RPGRIP1L: variants seen among roughly 807,000 people sequenced by gnomAD.
The protein encoded by RPGRIP1L is protein fantom.
RPGRIP1L carries 131 observed loss-of-function variants against 160.4 expected under a neutral mutation model. The ratio of observed to expected loss-of-function variants is 0.82; its 90% confidence interval spans 0.71 to 0.94. The LOEUF is 0.94. Ranked by LOEUF, RPGRIP1L falls within the 40% of genes least tolerant of loss-of-function variation. The pLI is 0.00. For missense variants in RPGRIP1L, 1,522 were observed against 1,535.8 expected, an observed-to-expected ratio of 0.99 and a Z score of 0.15; for synonymous variants, 510 against 515.8, an observed-to-expected ratio of 0.99 and a Z score of 0.15.
Position 53,638,345 on chromosome 16 carries a change from C to T in RPGRIP1L, c.3025G>A (p.Glu1009Lys). Residue 1009 changes from glutamate to lysine, a missense_variant, in exon 20 of 27, where the codon GAA becomes AAA. Coordinates refer to ENST00000647211, the MANE Select transcript of RPGRIP1L (RefSeq NM_015272.5). The part of the protein sequence containing the change: ...SPEVEHIPEI[E>K]INMLTVPHVP... ...TGTGGAACAGTCAGCATATTAATTT[C>T]TATTTCTGGTATATGCTCTACCTCT... 1.3e-6 allele frequency: 2 copies of T among 1,596,754 alleles called. No homozygotes were observed. The highest frequency in any genetic ancestry group is 1.7e-6 in the Non-Finnish European group (2 of 1,164,760).
Position 53,611,023 on chromosome 16 carries a change from TTTG to T in RPGRIP1L, c.3642_3644del (p.Asn1214del), listed in dbSNP as rs1964002479. ...TAGCTTTTAAGATGTCTCTCTTTGC[TTTG>T]TTGTTTTCTTTATCCACGTAGATCA... On this transcript the variant is annotated inframe_deletion, in exon 25 of 27. Transcript: ENST00000647211. The T allele has an allele frequency of 2.5e-6, 4 of 1,613,422 alleles. No homozygotes were observed. Among genetic ancestry groups the T allele is most frequent in the Middle Eastern group, 1.6e-4 (1 of 6,062 alleles).
intron 9 of RPGRIP1L, among the ~76,000 whole-genome samples, chr16:53,671,114 C>T (rs910079033): frequency 5.3e-5 from 8 of 151,894 alleles, no homozygotes. Context: ...GTGGGAAGTG[C>T]CTCTTAATGT....
intron 25 of RPGRIP1L, among the ~76,000 whole-genome samples, 157 bp downstream of exon 25, chr16:53,610,810 C>T (rs1395599489): frequency 1.3e-5 from 2 of 152,078 alleles, no homozygotes; most frequent in Admixed American, 1.3e-4. Flanking sequence ...AGGAGGAAGG[C>T]GATCTACAGA....
chr16:53,638,027 T>C (rs1965950493), intron 20 of RPGRIP1L, among the ~76,000 whole-genome samples, 173 bp from the exon 21 acceptor site: 1 of 152,140 alleles, frequency 6.6e-6, no homozygotes, highest in African/African-American at 2.4e-5. Flanking sequence ...AATGATAATA[T>C]ATAGATAAAT....
intron 4 of RPGRIP1L, among the ~76,000 whole-genome samples, chr16:53,690,913 T>C (rs1357396300): frequency 6.6e-6 from 1 of 152,190 alleles, no homozygotes; most frequent in African/African-American, 2.4e-5. Flanking sequence ...CTTACTTTAG[T>C]TGTATTCAGA....
intron 2 of RPGRIP1L, among the ~76,000 whole-genome samples, chr16:53,700,309 C>T (rs1421092): frequency 0.22 from 33,415 of 152,094 alleles, 5,175 homozygotes; most frequent in East Asian, 0.44. Context: ...AATGTTTTAA[C>T]ACTGAATGTA....
rs1309372176 is a variant in RPGRIP1L, at chr16:53,637,816, A to G, written c.3099T>C (p.Asn1033=). ...CTTTTCCTTGCTGCATTTTCTCAGT[A>G]TTCTCTTTTACCTCATCTACACTGC... The part of the protein sequence containing the change: ...QEGSVDEVKE[N]TEKMQQGKDD... Residue 1033 remains asparagine, a synonymous_variant, in exon 21 of 27, where the codon AAT becomes AAC. Transcript: ENST00000647211. The G allele has an allele frequency of 1.2e-6, 2 of 1,612,860 alleles. No homozygotes were observed. Among genetic ancestry groups the G allele is most frequent in the Non-Finnish European group, 1.7e-6 (2 of 1,179,620 alleles).
Position 53,692,362 on chromosome 16 carries a change from A to G in RPGRIP1L, c.233T>C (p.Met78Thr), listed in dbSNP as rs1465431958. 1.7e-5 allele frequency: 27 copies of G among 1,613,576 alleles called. No homozygotes were observed. The highest frequency in any genetic ancestry group is 1.6e-5 in the Non-Finnish European group (19 of 1,179,618). ...AACTAGCCGTATTAACTTGGTGGCC[A>G]TTCTGGGGAAATAATAAAAAGATGA... is the stretch of plus-strand genomic sequence containing the variant. ...ARKQEDKIKR[M>T]ATKLIRLVND... Residue 78 changes from methionine to threonine, a missense_variant and splice_region_variant, in exon 4 of 27, where the codon ATG becomes ACG. Met to Thr is a moderately conservative substitution (Grantham distance 81). Transcript: ENST00000647211.
At chr16:53,692,023 C>T in intron 4 of RPGRIP1L, 43 bp downstream of exon 4, 1 of 1,581,816 alleles carries the variant, frequency 6.3e-7, no homozygotes, top group Non-Finnish European at 8.7e-7. Context: ...GTTAAACAAT[C>T]TAATAAGACT....
In RPGRIP1L at chr16:53,637,570, G is replaced by A. The variant is rs186300697; in HGVS notation, c.3220+125C>T. 3.5e-5 allele frequency: 29 copies of A among 833,224 alleles called. 1 individual carries two copies. The highest frequency in any genetic ancestry group is 2.0e-6 in the Non-Finnish European group (1 of 507,326). 51.6% of individuals were successfully genotyped at this position (833,224 alleles called of 1,614,324 possible). ...GATGGAACTATATTCTATCATTTCT[G>A]TCAAGAAACAGGTATCGTGAAGTAG... is the stretch of plus-strand genomic sequence containing the variant. On this transcript the variant is annotated intron_variant, in intron 21 of 26. Transcript: ENST00000647211.
At chr16:53,702,511 T>TA (rs1299021646) in intron 1 of RPGRIP1L, among the ~76,000 whole-genome samples, 3 of 152,176 alleles carry the variant, frequency 2.0e-5, no homozygotes, top group Non-Finnish European at 4.4e-5. Context: ...ATGCTTCACT[T>TA]ACATTATTCT....
In RPGRIP1L at chr16:53,695,900, T is replaced by C. The variant is rs117076951; in HGVS notation, c.230+251A>G. ...TATTAAACCAAAAGTTATTTATAGGTATGATATACTAACGGCACTCTATTA... is the reference window on the plus strand; with the variant it reads ...TATTAAACCAAAAGTTATTTATAGGCATGATATACTAACGGCACTCTATTA... On this transcript the variant is annotated intron_variant, in intron 3 of 26. Coordinates refer to ENST00000647211, the MANE Select transcript of RPGRIP1L (RefSeq NM_015272.5). 2.9e-3 allele frequency: 1,230 copies of C among 417,904 alleles called. 7 individuals are homozygous for C. The highest frequency in any genetic ancestry group is 4.9e-3 in the Middle Eastern group (7 of 1,420). The allele number at this position is 417,904 out of a possible 1,614,324, so 25.9% of individuals were successfully genotyped here.
rs184218372 is a variant in RPGRIP1L, at chr16:53,691,267, C to T, written c.529+799G>A. Among the ~76,000 whole-genome samples the T allele has an allele frequency of 3.9e-5, 6 of 152,036 alleles. No homozygotes were observed. In the East Asian group the frequency reaches 7.7e-4, roughly 20 times the overall value. On this transcript the variant is annotated intron_variant, in intron 4 of 26. Transcript: ENST00000647211. ...TTCCTACTAGTTGAAATTTTAAAAA[C>T]GTTACTTAAGATATTTATTGAATTG...
chr16:53,641,525 T>A (rs1375317907), intron 17 of RPGRIP1L, 50 bp from the exon 18 acceptor site: 19 of 1,503,036 alleles, frequency 1.3e-5, no homozygotes, highest in Non-Finnish European at 1.8e-5. Context: ...GTTTTATTAC[T>A]GTAAGAATTA....
At chr16:53,638,737 C>T (rs1321075886) in intron 19 of RPGRIP1L, among the ~76,000 whole-genome samples, 1 of 151,064 alleles carries the variant, frequency 6.6e-6, no homozygotes, top group Non-Finnish European at 1.5e-5. Flanking sequence ...TTCTGTGTAA[C>T]TGTGAAAAAA....
chr16:53,652,732 T>C lies in RPGRIP1L; in HGVS notation c.1955A>G (p.His652Arg), dbSNP rs1404075819. Residue 652 changes from histidine to arginine, a missense_variant, in exon 15 of 27, where the codon CAT becomes CGT. By Grantham distance (29) the His-to-Arg change is conservative (BLOSUM62 0). Transcript: ENST00000647211. ...TTGAGAAGTGAAGTTATATTCGGGA[T>C]GAAGGCCTCGCACTACGGGAGTTGT... ...LQTTPVVRGL[H>R]PEYNFTSQYL... 6.2e-7 allele frequency: 1 copy of C among 1,614,216 alleles called. No homozygotes were observed.
At chr16:53,649,201 T>G (rs1179783706) in intron 15 of RPGRIP1L, 86 bp from the exon 16 acceptor site, 1 of 1,109,454 alleles carries the variant, frequency 9.0e-7, no homozygotes, top group African/African-American at 1.6e-5. Flanking sequence ...GCATTATGCA[T>G]TAAAACTATA....
intron 26 of RPGRIP1L, among the ~76,000 whole-genome samples, chr16:53,603,492 C>A (rs944510776): frequency 2.6e-5 from 4 of 152,114 alleles, no homozygotes; most frequent in East Asian, 3.9e-4. Flanking sequence ...TCATGCCCAG[C>A]TAACTTATAT....
chr16:53,695,560 T>C (rs1970692640), intron 3 of RPGRIP1L: 1 of 613,264 alleles, frequency 1.6e-6, no homozygotes. Flanking sequence ...CATTTCTGAA[T>C]AAAAAAGAAT....
Sources: allele counts gnomAD v4.1 joint callset (sites outside exome capture counted in the v4.1 genomes callset), GRCh38; gene constraint gnomAD v4.1.1; transcripts MANE v1.5; gene names NCBI Gene and HGNC (gene_info 2026-07-23, HGNC 2026-07-21).